PRKG1: variants seen among roughly 807,000 people sequenced by gnomAD.
The protein encoded by PRKG1 is cGMP-dependent protein kinase 1.
A neutral mutation model predicts 88.1 loss-of-function variants in PRKG1; 35 were observed. The observed-to-expected ratio is 0.40, with a 90% confidence interval of 0.30 to 0.53. PRKG1 has a LOEUF of 0.53. Among genes scored for constraint, PRKG1 ranks in the 20% least tolerant of loss-of-function variants. The pLI, the probability that PRKG1 is intolerant of heterozygous loss-of-function variation, is 0.59. For synonymous variants in PRKG1, 303 were observed against 292.5 expected, an observed-to-expected ratio of 1.04 and a Z score of -0.37; for missense variants, 540 against 839.8, an observed-to-expected ratio of 0.64 and a Z score of 4.41.
At chr10:51,468,636 A>C (rs1839969299) in intron 3 of PRKG1, among the ~76,000 whole-genome samples, 1 of 151,864 alleles carries the variant, frequency 6.6e-6, no homozygotes, top group Non-Finnish European at 1.5e-5. Context: ...TGTGTATTTC[A>C]TGTTTGAAAA....
chr10:51,912,138 G>A (rs535883509), intron 5 of PRKG1, among the ~76,000 whole-genome samples: 1 of 152,322 alleles, frequency 6.6e-6, no homozygotes, highest in African/African-American at 2.4e-5. Context: ...GGGGAGCCAT[G>A]TGCATCTGGT....
chr10:51,505,176 C>T (rs76208414), intron 3 of PRKG1, among the ~76,000 whole-genome samples: 38,619 of 151,644 alleles, frequency 0.25, 5,199 homozygotes, highest in Non-Finnish European at 0.31. Context: ...GAGTTTTTAG[C>T]ATGAAGGGTT....
intron 14 of PRKG1, among the ~76,000 whole-genome samples, chr10:52,282,945 G>A (rs897589958): frequency 3.9e-5 from 6 of 152,078 alleles, no homozygotes; most frequent in African/African-American, 1.2e-4. Context: ...ATGAATATAA[G>A]GCAGCTGTGT....
At chr10:51,678,233 A>G (rs887285073) in intron 3 of PRKG1, among the ~76,000 whole-genome samples, 4 of 152,106 alleles carry the variant, frequency 2.6e-5, no homozygotes, top group East Asian at 3.9e-4. Flanking sequence ...GGGGCTCCCT[A>G]CAAGCAACAA....
intron 5 of PRKG1, among the ~76,000 whole-genome samples, chr10:52,043,478 C>A (rs970782449): frequency 2.0e-5 from 3 of 151,936 alleles, no homozygotes; most frequent in Non-Finnish European, 4.4e-5. Context: ...CTACATACTG[C>A]ATGATCTCAC....
At chr10:52,231,649 C>G (rs1321136119) in intron 9 of PRKG1, among the ~76,000 whole-genome samples, 1 of 152,106 alleles carries the variant, frequency 6.6e-6, no homozygotes, top group African/African-American at 2.4e-5. Context: ...AACAAATACT[C>G]TAGACTGTTG....
At chr10:51,401,125 A>G (rs986688717) in intron 2 of PRKG1, among the ~76,000 whole-genome samples, 6 of 152,260 alleles carry the variant, frequency 3.9e-5, no homozygotes, top group African/African-American at 1.2e-4. Flanking sequence ...AGGCTAAAAC[A>G]AATCAGGCAA....
chr10:52,132,329 T>C (rs867871142), intron 7 of PRKG1, among the ~76,000 whole-genome samples: 2 of 143,626 alleles, frequency 1.4e-5, no homozygotes, highest in Middle Eastern at 3.5e-3. Flanking sequence ...CTTAAGAATA[T>C]CATCAAGGAA....
At chr10:51,335,905 G>C (rs1202910647) in intron 2 of PRKG1, among the ~76,000 whole-genome samples, 1 of 152,208 alleles carries the variant, frequency 6.6e-6, no homozygotes, top group Non-Finnish European at 1.5e-5. Context: ...CTTTGTGAAA[G>C]TCAATTATGT....
At chr10:52,259,691 A>C (rs113965991) in intron 10 of PRKG1, among the ~76,000 whole-genome samples, 30 of 152,020 alleles carry the variant, frequency 2.0e-4, no homozygotes, top group African/African-American at 6.8e-4. Flanking sequence ...TCACACTGAG[A>C]GTGGGGAGAT....
At chr10:52,042,832 G>A (rs1317839741) in intron 5 of PRKG1, among the ~76,000 whole-genome samples, 1 of 152,016 alleles carries the variant, frequency 6.6e-6, no homozygotes, top group East Asian at 1.9e-4. Context: ...ATCCAACTGG[G>A]CATTAATGTC....
rs550466444 is a variant in PRKG1, at chr10:51,458,349, T to C, written c.479-9374T>C. 3.9e-5 allele frequency among the ~76,000 whole-genome samples: 6 copies of C among 152,314 alleles called. No individual in the cohort carries two copies. In the South Asian group the frequency reaches 6.2e-4, roughly 16 times the overall value. ...TGAAATTAAAATGTAGTCCTAAGGC[T>C]TTCACACAAGCATGCTCACAGGAAT... On this transcript the variant is annotated intron_variant, in intron 2 of 17. Transcript: ENST00000373980.
chr10:51,842,468 T>G (rs1274793234), intron 4 of PRKG1, among the ~76,000 whole-genome samples: 1 of 152,206 alleles, frequency 6.6e-6, no homozygotes, highest in Non-Finnish European at 1.5e-5. Context: ...ATTCAGGCTT[T>G]CAGCTACTTT....
At chr10:52,188,348 C>CT (rs1395616722) in intron 9 of PRKG1, among the ~76,000 whole-genome samples, 9 of 141,416 alleles carry the variant, frequency 6.4e-5, no homozygotes, top group African/African-American at 2.4e-4. Context: ...ATATATATTT[C>CT]TTTTTGTTTG....
intron 3 of PRKG1, among the ~76,000 whole-genome samples, chr10:51,583,795 G>T (rs77309891): frequency 6.6e-6 from 1 of 152,024 alleles, no homozygotes; most frequent in African/African-American, 2.4e-5. Context: ...ATACTATAAT[G>T]GAGCAGAGAC....
intron 2 of PRKG1, among the ~76,000 whole-genome samples, chr10:51,171,670 C>T (rs182439460): frequency 1.3e-5 from 2 of 152,010 alleles, no homozygotes; most frequent in Non-Finnish European, 2.9e-5. Flanking sequence ...ACAAAGGCAG[C>T]GATCTGTCCA....
chr10:51,667,858 C>G (rs1840461524), intron 3 of PRKG1, among the ~76,000 whole-genome samples: 1 of 152,096 alleles, frequency 6.6e-6, no homozygotes, highest in Non-Finnish European at 1.5e-5. Flanking sequence ...TGCAAAGGTC[C>G]TGTTGATTTC....
chr10:51,492,921 A>T (rs61849788), intron 3 of PRKG1, among the ~76,000 whole-genome samples: 7,001 of 152,240 alleles, frequency 0.046, 261 homozygotes, highest in Middle Eastern at 0.11. Context: ...TCTTTTAATT[A>T]TCTCAAAATG....
chr10:52,157,224 A>G (rs1431339032), intron 8 of PRKG1, among the ~76,000 whole-genome samples: 1 of 67,984 alleles, frequency 1.5e-5, no homozygotes, highest in South Asian at 8.0e-4. Flanking sequence ...ATACACACCA[A>G]GTATATATAT....
Sources: gnomAD v4.1 joint callset for allele counts (sites outside exome capture counted in the v4.1 genomes callset) on GRCh38, gnomAD v4.1.1 for gene constraint, MANE v1.5 for transcripts, NCBI Gene and HGNC (gene_info 2026-07-23, HGNC 2026-07-21) for gene names.